The following CCDC60 variants were observed in gnomAD, a reference collection of about 807,000 sequenced individuals.
CCDC60 encodes coiled-coil domain containing 60.
CCDC60 carries 54 observed loss-of-function variants against 63.5 expected under a neutral mutation model. The observed-to-expected ratio is 0.85, with a 90% CI of 0.68 to 1.07. CCDC60 has a LOEUF of 1.07. Ranked by LOEUF, CCDC60 falls within the 50% of genes least tolerant of loss-of-function variation. The pLI is 0.00. For synonymous variants in CCDC60, 206 were observed against 238.8 expected (o/e 0.86, Z 1.27); for missense variants, 651 against 684.3 (o/e 0.95, Z 0.54).
At chr12:119,342,604 C>T (rs1372192548) in intron 1 of CCDC60, among the ~76,000 whole-genome samples, 1 of 152,202 alleles carries the variant, frequency 6.6e-6, no homozygotes, top group Non-Finnish European at 1.5e-5. Flanking sequence ...GGCACTTGTC[C>T]ATAGTAGTAC....
chr12:119,520,446 C>T (rs572982047), intron 9 of CCDC60, among the ~76,000 whole-genome samples: 2 of 152,018 alleles, frequency 1.3e-5, no homozygotes, highest in South Asian at 2.1e-4. Context: ...GGGGAGGACG[C>T]GGTACAAGAC....
Position 119,485,644 on chromosome 12 carries a change from A to G in CCDC60, c.450-3115A>G, listed in dbSNP as rs1296435192. Among the ~76,000 whole-genome samples the G allele has an allele frequency of 2.0e-5, 3 of 152,006 alleles. No individual in the cohort carries two copies. In the East Asian group the frequency reaches 5.8e-4, roughly 29 times the overall value. On this transcript the variant is annotated intron_variant, in intron 4 of 13. Coordinates refer to ENST00000327554, the MANE Select transcript of CCDC60 (RefSeq NM_178499.5). ...TTAGGCGTCCAAATCTCCTCCTCTT[A>G]TAAGGACACCAGTCAGATTAGATTA...
At chr12:119,488,539 T>G (rs1219645839) in intron 4 of CCDC60, among the ~76,000 whole-genome samples, 1 of 152,196 alleles carries the variant, frequency 6.6e-6, no homozygotes, top group Non-Finnish European at 1.5e-5. Flanking sequence ...TAAAGTCCTG[T>G]GAGCCTCTGA....
intron 1 of CCDC60, among the ~76,000 whole-genome samples, chr12:119,415,157 A>G (rs1027011546): frequency 6.6e-6 from 1 of 152,210 alleles, no homozygotes; most frequent in Non-Finnish European, 1.5e-5. Flanking sequence ...AAATGCAAAT[A>G]GTGTATCTCT....
chr12:119,361,618 A>AT (rs1217301665), intron 1 of CCDC60, among the ~76,000 whole-genome samples: 2 of 152,208 alleles, frequency 1.3e-5, no homozygotes, highest in African/African-American at 2.4e-5. Flanking sequence ...GGTTACCCAC[A>AT]TTTGAGCAAC....
chr12:119,350,384 GAC>G (rs1384039899), intron 1 of CCDC60, among the ~76,000 whole-genome samples: 1 of 151,796 alleles, frequency 6.6e-6, no homozygotes, highest in African/African-American at 2.4e-5. Context: ...ATTTTTAGTA[GAC>G]ACACAGTTTC....
At chr12:119,519,950 A>C (rs1952476266) in intron 8 of CCDC60, among the ~76,000 whole-genome samples, 171 bp from the exon 9 acceptor site, 1 of 151,976 alleles carries the variant, frequency 6.6e-6, no homozygotes, top group Non-Finnish European at 1.5e-5. Flanking sequence ...GTCCCAGGAA[A>C]TGTGGCCGAG....
chr12:119,437,447 T>C (rs1950348370), intron 2 of CCDC60, among the ~76,000 whole-genome samples: 1 of 152,192 alleles, frequency 6.6e-6, no homozygotes, highest in Admixed American at 6.5e-5. Context: ...AATTTCTTTG[T>C]CATCTCCAAA....
chr12:119,377,026 G>A (rs995898705), intron 1 of CCDC60, among the ~76,000 whole-genome samples: 3 of 152,022 alleles, frequency 2.0e-5, no homozygotes, highest in Admixed American at 6.6e-5. Context: ...AGGCCAAGGT[G>A]GGCAGATTAC....
At chr12:119,373,674 G>A (rs1044423554) in intron 1 of CCDC60, among the ~76,000 whole-genome samples, 2 of 125,076 alleles carry the variant, frequency 1.6e-5, no homozygotes, top group Non-Finnish European at 3.3e-5. Flanking sequence ...GGGTGGGGGG[G>A]GGTCTCAGTT....
intron 3 of CCDC60, among the ~76,000 whole-genome samples, chr12:119,476,262 T>G (rs1951175369): frequency 6.6e-6 from 1 of 152,126 alleles, no homozygotes; most frequent in Non-Finnish European, 1.5e-5. Context: ...GAAAAAAAAG[T>G]GACGGGTAAA....
chr12:119,502,389 C>T (rs929171921), intron 6 of CCDC60, among the ~76,000 whole-genome samples: 6 of 152,166 alleles, frequency 3.9e-5, no homozygotes, highest in African/African-American at 7.2e-5. Flanking sequence ...TCTTTTCCTC[C>T]GTTGCCAAAA....
intron 13 of CCDC60, among the ~76,000 whole-genome samples, chr12:119,537,301 G>A (rs1424946982): frequency 3.9e-5 from 6 of 152,178 alleles, no homozygotes; most frequent in Non-Finnish European, 5.9e-5. Flanking sequence ...ATTCTAGTTC[G>A]CCATTCGTCT....
intron 1 of CCDC60, among the ~76,000 whole-genome samples, chr12:119,399,327 G>A (rs914049683): frequency 6.6e-6 from 1 of 152,162 alleles, no homozygotes; most frequent in Admixed American, 6.5e-5. Flanking sequence ...AGGGACCTGG[G>A]ATCCAACTTA....
At chr12:119,478,603 CTTTTTTTTTTTT>C (rs35215523) in intron 3 of CCDC60, among the ~76,000 whole-genome samples, 1 of 87,080 alleles carries the variant, frequency 1.1e-5, no homozygotes, top group South Asian at 5.1e-4. Context: ...AAGGCAGGGA[CTTTTTTTTTTTT>C]TTTTTTTTTT....
At position 119,505,320 on chromosome 12, in the gene CCDC60, A is replaced by T; in HGVS notation, c.883+17A>T. On this transcript the variant is annotated intron_variant, in intron 7 of 13. Coordinates refer to ENST00000327554, the MANE Select transcript of CCDC60 (RefSeq NM_178499.5). Reference sequence around the variant, plus strand: ...TGTATATGAGTAAGTCCTACCTGAGATCTGACTCATCTACCCTGACCCTTT... The same window carrying T: ...TGTATATGAGTAAGTCCTACCTGAGTTCTGACTCATCTACCCTGACCCTTT... 2 of 1,530,006 alleles carry T rather than the reference A, an allele frequency of 1.3e-6. No individual in the cohort carries two copies. Among genetic ancestry groups the T allele is most frequent in the Non-Finnish European group, 9.0e-7 (1 of 1,114,344 alleles). The allele number at this position is 1,530,006 out of a possible 1,614,324, so 94.8% of individuals were successfully genotyped here.
At chr12:119,415,209 A>C (rs1956678394) in intron 1 of CCDC60, among the ~76,000 whole-genome samples, 1 of 152,236 alleles carries the variant, frequency 6.6e-6, no homozygotes, top group African/African-American at 2.4e-5. Context: ...CTTATATGAC[A>C]GCCTGCCAGG....
intron 10 of CCDC60, among the ~76,000 whole-genome samples, chr12:119,523,366 G>A (rs551043632): frequency 1.1e-4 from 16 of 152,338 alleles, no homozygotes; most frequent in African/African-American, 3.6e-4. Flanking sequence ...CTAAGAAGTG[G>A]TGAAGCTGGA....
intron 2 of CCDC60, among the ~76,000 whole-genome samples, chr12:119,462,511 A>C (rs1379868048): frequency 6.6e-6 from 1 of 152,198 alleles, no homozygotes; most frequent in Non-Finnish European, 1.5e-5. Flanking sequence ...ACTTTAAAAA[A>C]AATTTTCTTG....
Sources: allele counts gnomAD v4.1 joint callset (sites outside exome capture counted in the v4.1 genomes callset), GRCh38; gene constraint gnomAD v4.1.1; transcripts MANE v1.5; gene names NCBI Gene and HGNC (gene_info 2026-07-23, HGNC 2026-07-21).